Variants in EFCAB6 observed in about 807,000 individuals in gnomAD.
EFCAB6 encodes EF-hand calcium-binding domain-containing protein 6.
EFCAB6 carries 156 observed loss-of-function variants against 169.8 expected under a neutral mutation model. The ratio of observed to expected loss-of-function variants is 0.92; its 90% CI spans 0.81 to 1.05. EFCAB6 has a LOEUF of 1.05. Among genes scored for constraint, EFCAB6 ranks in the 50% least tolerant of loss-of-function variants. The pLI, the probability that EFCAB6 is intolerant of heterozygous loss-of-function variation, is 0.00. For synonymous variants in EFCAB6, 698 were observed against 676.4 expected (o/e 1.03, Z -0.50); for missense variants, 1,800 against 1,829.1 (o/e 0.98, Z 0.29).
chr22:43,763,012 C>T (rs2061215087), intron 5 of EFCAB6, among the ~76,000 whole-genome samples: 1 of 152,130 alleles, frequency 6.6e-6, no homozygotes, highest in South Asian at 2.1e-4. Context: ...GGGGATGATA[C>T]TGTGTCACTC....
At chr22:43,642,913 A>G (rs1250410124) in intron 17 of EFCAB6, among the ~76,000 whole-genome samples, 1 of 152,208 alleles carries the variant, frequency 6.6e-6, no homozygotes, top group Non-Finnish European at 1.5e-5. Context: ...AACACCATGA[A>G]TGGTCACAGG....
chr22:43,660,398 A>G (rs137758), intron 17 of EFCAB6, among the ~76,000 whole-genome samples: 84,032 of 151,850 alleles, frequency 0.55, 23,573 homozygotes, highest in East Asian at 0.77. Flanking sequence ...CTGAGAGAAA[A>G]GGTGGCAGAC....
At chr22:43,784,611 GTGTATA>G (rs1569487736) in intron 2 of EFCAB6, among the ~76,000 whole-genome samples, 5 of 53,658 alleles carry the variant, frequency 9.3e-5, no homozygotes, top group African/African-American at 3.8e-4. Context: ...ACATATATAT[GTGTATA>G]TATACACATA....
chr22:43,654,873 T>C (rs1602994524), intron 17 of EFCAB6, among the ~76,000 whole-genome samples: 1 of 152,126 alleles, frequency 6.6e-6, no homozygotes, highest in African/African-American at 2.4e-5. Flanking sequence ...AAACACAAAA[T>C]GTGAGATGGA....
chr22:43,801,475 A>C (rs902165011), intron 2 of EFCAB6, among the ~76,000 whole-genome samples: 12 of 152,354 alleles, frequency 7.9e-5, no homozygotes, highest in African/African-American at 2.9e-4. Flanking sequence ...TCGTAACTCT[A>C]GCATGAAGCC....
intron 8 of EFCAB6, among the ~76,000 whole-genome samples, chr22:43,722,360 AC>A (rs2059564592): frequency 2.5e-5 from 1 of 40,510 alleles, no homozygotes; most frequent in Non-Finnish European, 5.0e-5. Flanking sequence ...CCCCATCTCT[AC>A]TTAAAAAAAA....
At chr22:43,752,400 G>A (rs2060803313) in intron 6 of EFCAB6, among the ~76,000 whole-genome samples, 1 of 152,182 alleles carries the variant, frequency 6.6e-6, no homozygotes, top group Non-Finnish European at 1.5e-5. Context: ...TTACAGGCGT[G>A]AGCCACCATG....
At chr22:43,543,330 C>T (rs979393901) in intron 27 of EFCAB6, among the ~76,000 whole-genome samples, 4 of 152,158 alleles carry the variant, frequency 2.6e-5, no homozygotes, top group Admixed American at 1.3e-4. Flanking sequence ...GCCACCAGGG[C>T]GGCTCCCACC....
At chr22:43,667,912 G>GA (rs973822281) in intron 16 of EFCAB6, among the ~76,000 whole-genome samples, 1 of 152,110 alleles carries the variant, frequency 6.6e-6, no homozygotes, top group Admixed American at 6.5e-5. Flanking sequence ...TATTTTTGGG[G>GA]AAAAAACAGC....
At chr22:43,661,587 T>G (rs141608320) in intron 17 of EFCAB6, among the ~76,000 whole-genome samples, 6 of 152,114 alleles carry the variant, frequency 3.9e-5, no homozygotes, top group Non-Finnish European at 8.8e-5. Context: ...GTCTAGACAA[T>G]TCCAGAAAGA....
intron 27 of EFCAB6, among the ~76,000 whole-genome samples, chr22:43,541,861 T>A (rs1176648407): frequency 6.6e-6 from 1 of 152,212 alleles, no homozygotes; most frequent in Non-Finnish European, 1.5e-5. Flanking sequence ...CAACTTTAAG[T>A]GTCAAACATC....
At chr22:43,763,489 A>G (rs896492288) in intron 5 of EFCAB6, among the ~76,000 whole-genome samples, 4 of 152,202 alleles carry the variant, frequency 2.6e-5, no homozygotes, top group African/African-American at 7.2e-5. Flanking sequence ...ACCCATGTAC[A>G]TAAATTCCCT....
At chr22:43,578,111 G>A (rs893244592) in intron 25 of EFCAB6, among the ~76,000 whole-genome samples, 1 of 152,168 alleles carries the variant, frequency 6.6e-6, no homozygotes, top group Admixed American at 6.5e-5. Flanking sequence ...AAGAAGGGCT[G>A]CGACAAGTCC....
At chr22:43,554,433 C>G (rs2048570452) in intron 27 of EFCAB6, 1 of 172,972 alleles carries the variant, frequency 5.8e-6, no homozygotes, top group Non-Finnish European at 1.2e-5. Flanking sequence ...GCTGACTTGC[C>G]CCTTGCACTC....
At chr22:43,614,037 T>C (rs1464769375) in intron 21 of EFCAB6, among the ~76,000 whole-genome samples, 1 of 151,916 alleles carries the variant, frequency 6.6e-6, no homozygotes, top group African/African-American at 2.4e-5. Context: ...ATAGAGACAT[T>C]CCATGTTTAT....
chr22:43,774,642 C>T (rs1409217990), intron 3 of EFCAB6, among the ~76,000 whole-genome samples: 2 of 151,316 alleles, frequency 1.3e-5, no homozygotes, highest in Admixed American at 1.3e-4. Context: ...GCAGGGAGCA[C>T]GGGAGACCTA....
intron 17 of EFCAB6, among the ~76,000 whole-genome samples, chr22:43,666,621 A>G (rs1358425825): frequency 6.6e-6 from 1 of 152,012 alleles, no homozygotes; most frequent in African/African-American, 2.4e-5. Flanking sequence ...CCTTTCTGGC[A>G]GAAACTCACC....
In EFCAB6 at chr22:43,534,870, G is replaced by C. The variant is rs779884467; in HGVS notation, c.4051C>G (p.Leu1351Val). The change falls in exon 30 of 32, where the codon CTT (leucine) becomes GTT (valine). Residue 1351 changes from leucine (L) to valine (V), a missense_variant and splice_region_variant. Transcript: ENST00000262726. ...ATGTCCAGGTTGAATTTCTCCACAA[G>C]AGCTACAGAAAAAAATGGCAGTTCA... is the stretch of plus-strand genomic sequence containing the variant. ...GDINASDFLA[L>V]VEKFNLDISK... 6.3e-6 allele frequency: 10 copies of C among 1,593,826 alleles called. No individual in the cohort carries two copies. Among genetic ancestry groups the C allele is most frequent in the South Asian group, 1.2e-5 (1 of 86,924 alleles).
intron 6 of EFCAB6, among the ~76,000 whole-genome samples, chr22:43,751,389 A>C (rs1229120252): frequency 6.6e-6 from 1 of 152,206 alleles, no homozygotes; most frequent in African/African-American, 2.4e-5. Flanking sequence ...GGGAGTTGAC[A>C]AATGATAGAT....
Sources: allele counts gnomAD v4.1 joint callset (sites outside exome capture counted in the v4.1 genomes callset), GRCh38; gene constraint gnomAD v4.1.1; transcripts MANE v1.5; gene names NCBI Gene and HGNC (gene_info 2026-07-23, HGNC 2026-07-21).